SLC24A4: variants seen among roughly 807,000 people sequenced by gnomAD.
SLC24A4 encodes sodium/potassium/calcium exchanger 4.
Under a neutral mutation model 79.0 loss-of-function variants are expected in SLC24A4, and 53 were observed. That is an observed-to-expected ratio of 0.67 (90% CI 0.54 to 0.84). The LOEUF is 0.84. Ranked by LOEUF, SLC24A4 falls within the 40% of genes least tolerant of loss-of-function variation. The pLI, the probability that SLC24A4 is intolerant of heterozygous loss-of-function variation, is 0.00. For synonymous variants in SLC24A4, 323 were observed against 323.8 expected (o/e 1.00, Z 0.03); for missense variants, 731 against 822.0 (o/e 0.89, Z 1.35).
chr14:92,411,203 G>A lies in SLC24A4; in HGVS notation c.242-22709G>A, dbSNP rs147120071. Among the ~76,000 whole-genome samples the A allele has an allele frequency of 2.8e-3, 420 of 152,186 alleles. 2 individuals are homozygous for A. The highest frequency in any genetic ancestry group is 4.5e-3 in the Non-Finnish European group (309 of 68,000). On this transcript the variant is annotated intron_variant, in intron 2 of 16. Transcript: ENST00000532405. ...GCTCCCTTCACTCTGCCAGCAAGCC[G>A]CCCATTAATCAGCATCTCTGTGCTC...
chr14:92,402,907 G>A (rs985058437), intron 2 of SLC24A4, among the ~76,000 whole-genome samples: 1 of 152,146 alleles, frequency 6.6e-6, no homozygotes, highest in African/African-American at 2.4e-5. Context: ...CCCAACAGAA[G>A]CAGAGAAACC....
intron 2 of SLC24A4, 121 bp from the exon 3 acceptor site, chr14:92,433,791 C>T: frequency 1.2e-6 from 1 of 807,504 alleles, no homozygotes; most frequent in Non-Finnish European, 2.2e-6. Context: ...CTGGCCTTCT[C>T]TCTGATCAGT....
chr14:92,375,512 T>C (rs1204274410), intron 2 of SLC24A4, among the ~76,000 whole-genome samples: 1 of 152,228 alleles, frequency 6.6e-6, no homozygotes, highest in Non-Finnish European at 1.5e-5. Context: ...CAAATATTCA[T>C]TGCAGGATTA....
At chr14:92,351,911 AAAGG>A (rs1555361026) in intron 2 of SLC24A4, among the ~76,000 whole-genome samples, 6 of 83,770 alleles carry the variant, frequency 7.2e-5, no homozygotes, top group South Asian at 5.3e-4. Flanking sequence ...GGAAGGAAGG[AAAGG>A]AAGGAAAGGA....
At chr14:92,354,506 G>A (rs560297491) in intron 2 of SLC24A4, among the ~76,000 whole-genome samples, 8 of 152,232 alleles carry the variant, frequency 5.3e-5, no homozygotes, top group Middle Eastern at 3.4e-3. Flanking sequence ...ATGGACAAAC[G>A]CTTGCCGTTA....
intron 2 of SLC24A4, among the ~76,000 whole-genome samples, chr14:92,411,389 C>G (rs1890700471): frequency 1.3e-5 from 2 of 152,180 alleles, no homozygotes; most frequent in Admixed American, 1.3e-4. Flanking sequence ...CATTTTCTCT[C>G]TCTCCCAGTG....
At chr14:92,417,393 A>G (rs1420638453) in intron 2 of SLC24A4, among the ~76,000 whole-genome samples, 3 of 152,238 alleles carry the variant, frequency 2.0e-5, no homozygotes, top group Non-Finnish European at 4.4e-5. Flanking sequence ...ATATTTTTGC[A>G]GGGCTGTAGA....
intron 6 of SLC24A4, among the ~76,000 whole-genome samples, chr14:92,443,199 G>A (rs1167056369): frequency 6.6e-6 from 1 of 152,234 alleles, no homozygotes. Flanking sequence ...CAGAGGAATA[G>A]AGGGCAGCTT....
chr14:92,406,904 C>T (rs889273533), intron 2 of SLC24A4, among the ~76,000 whole-genome samples: 30 of 152,176 alleles, frequency 2.0e-4, no homozygotes, highest in Admixed American at 3.9e-4. Flanking sequence ...TTAAACTTCT[C>T]CTGAGAAAAT....
chr14:92,367,260 A>G (rs1887900977), intron 2 of SLC24A4, among the ~76,000 whole-genome samples: 2 of 152,336 alleles, frequency 1.3e-5, no homozygotes, highest in South Asian at 2.1e-4. Flanking sequence ...GGGCTTATGC[A>G]TCCAGTAGTT....
intron 2 of SLC24A4, 100 bp from the exon 3 acceptor site, chr14:92,433,812 G>C: frequency 1.0e-6 from 1 of 974,410 alleles, no homozygotes; most frequent in Middle Eastern, 2.1e-4. Context: ...CCAAAGCGAG[G>C]TGGGCTCTGC....
At chr14:92,486,075 G>T (rs1227645645) in intron 13 of SLC24A4, among the ~76,000 whole-genome samples, 1 of 152,178 alleles carries the variant, frequency 6.6e-6, no homozygotes, top group Non-Finnish European at 1.5e-5. Flanking sequence ...GCTCCAGCAA[G>T]CAGTGAAGCC....
chr14:92,325,081 T>C (rs1885048658), intron 1 of SLC24A4, among the ~76,000 whole-genome samples: 1 of 152,270 alleles, frequency 6.6e-6, no homozygotes, highest in East Asian at 1.9e-4. Flanking sequence ...TTTGGATTTT[T>C]TTCCCCCCTC....
At position 92,478,776 on chromosome 14, in the gene SLC24A4, A is replaced by G. The variant is rs558142591; in HGVS notation, c.1256-3904A>G. Among the ~76,000 whole-genome samples the G allele has an allele frequency of 6.1e-4, 93 of 152,128 alleles. 1 individual carries two copies. Among genetic ancestry groups the G allele is most frequent in the African/African-American group, 2.1e-3 (88 of 41,492 alleles). ...TTTTGATAGGGATTGCATTGAATGT[A>G]TACGTAAGTTTGGGGAATATTACCG... On this transcript the variant is annotated intron_variant, in intron 12 of 16. Coordinates refer to ENST00000532405, the MANE Select transcript of SLC24A4 (RefSeq NM_153646.4).
chr14:92,455,889 C>T (rs988779554), intron 11 of SLC24A4, among the ~76,000 whole-genome samples: 1 of 152,140 alleles, frequency 6.6e-6, no homozygotes, highest in Non-Finnish European at 1.5e-5. Flanking sequence ...TTAGTAGAGA[C>T]AGGGTTTCAC....
intron 2 of SLC24A4, among the ~76,000 whole-genome samples, chr14:92,356,093 G>A (rs909131728): frequency 6.6e-6 from 1 of 152,132 alleles, no homozygotes; most frequent in Non-Finnish European, 1.5e-5. Flanking sequence ...AATCACATGA[G>A]AGAGTCAACA....
At chr14:92,392,884 A>G (rs1889556848) in intron 2 of SLC24A4, among the ~76,000 whole-genome samples, 1 of 151,668 alleles carries the variant, frequency 6.6e-6, no homozygotes, top group Admixed American at 6.6e-5. Context: ...CACCTGTTCC[A>G]CTGTGTGAGG....
intron 12 of SLC24A4, among the ~76,000 whole-genome samples, chr14:92,466,794 C>T (rs1375976504): frequency 1.3e-5 from 2 of 152,084 alleles, no homozygotes; most frequent in Non-Finnish European, 2.9e-5. Flanking sequence ...TACATAGGAC[C>T]AGGATTTAGA....
chr14:92,362,413 C>T (rs1177590812), intron 2 of SLC24A4, among the ~76,000 whole-genome samples: 1 of 152,172 alleles, frequency 6.6e-6, no homozygotes, highest in East Asian at 1.9e-4. Context: ...CCTGTCAGTC[C>T]CCCCAATGTT....
Sources: gnomAD v4.1 joint callset for allele counts (sites outside exome capture counted in the v4.1 genomes callset) on GRCh38, gnomAD v4.1.1 for gene constraint, MANE v1.5 for transcripts, NCBI Gene and HGNC (gene_info 2026-07-23, HGNC 2026-07-21) for gene names.